ABLIM1: variants seen among roughly 807,000 people sequenced by gnomAD.
The protein encoded by ABLIM1 is actin binding LIM protein 1.
Under a neutral mutation model 107.0 loss-of-function variants are expected in ABLIM1, and 40 were observed. That is an observed-to-expected ratio of 0.37 (90% confidence interval 0.29 to 0.49). ABLIM1 has a LOEUF of 0.49. Among genes scored for constraint, ABLIM1 ranks in the 20% least tolerant of loss-of-function variants. ABLIM1 has a pLI of 0.97. For synonymous variants in ABLIM1, 357 were observed against 357.3 expected, an observed-to-expected ratio of 1.00 and a Z score of 0.01; for missense variants, 857 against 1,008.5, an observed-to-expected ratio of 0.85 and a Z score of 2.04.
At chr10:114,750,694 C>G (rs56859815) in intron 1 of ABLIM1, among the ~76,000 whole-genome samples, 3,027 of 152,242 alleles carry the variant, frequency 0.02, 85 homozygotes, top group African/African-American at 0.067. Context: ...CCTAGTCAAA[C>G]AGTAAGATAG....
chr10:114,734,155 T>A (rs1394362176), intron 1 of ABLIM1, among the ~76,000 whole-genome samples: 1 of 152,044 alleles, frequency 6.6e-6, no homozygotes, highest in Non-Finnish European at 1.5e-5. Flanking sequence ...CCATCACGCT[T>A]GGCCATGACC....
chr10:114,691,620 G>A (rs2081081074), intron 1 of ABLIM1, among the ~76,000 whole-genome samples: 1 of 152,184 alleles, frequency 6.6e-6, no homozygotes, highest in Non-Finnish European at 1.5e-5. Context: ...CTTTGAAAAA[G>A]TTGTAATGAT....
intron 1 of ABLIM1, among the ~76,000 whole-genome samples, chr10:114,752,853 G>T: frequency 6.6e-6 from 1 of 152,138 alleles, no homozygotes; most frequent in East Asian, 1.9e-4. Flanking sequence ...ATGGGCATTT[G>T]GGTTGATTCC....
rs535273039 is a variant in ABLIM1 at position 114,522,246 on chromosome 10, CAT to C, written c.894+22757_894+22758del. ...GGCAAAACAAAAACCCAGTCGAACA[CAT>C]GTTTTCCTCATGCTTTAGAACTCTT... On this transcript the variant is annotated intron_variant, in intron 6 of 22. Transcript: ENST00000533213. Among the ~76,000 whole-genome samples, 4 of 152,352 alleles carry C rather than the reference CAT, an allele frequency of 2.6e-5. No individual in the cohort carries two copies. In the East Asian group the frequency reaches 7.7e-4, roughly 29 times the overall value.
chr10:114,727,987 G>A (rs1271154841), intron 1 of ABLIM1, among the ~76,000 whole-genome samples: 4 of 152,124 alleles, frequency 2.6e-5, no homozygotes, highest in African/African-American at 4.8e-5. Flanking sequence ...TGGGAGATGT[G>A]TAAAATATAC....
intron 1 of ABLIM1, among the ~76,000 whole-genome samples, chr10:114,652,323 G>A (rs951572859): frequency 1.3e-5 from 2 of 152,082 alleles, no homozygotes; most frequent in Non-Finnish European, 2.9e-5. Context: ...TAGTGAATGG[G>A]GTAAGAAGGG....
chr10:114,497,180 C>G (rs889190604), intron 6 of ABLIM1, among the ~76,000 whole-genome samples: 30 of 152,216 alleles, frequency 2.0e-4, no homozygotes, highest in African/African-American at 4.8e-5. Context: ...ATGCTGTTGA[C>G]TATAAACTTT....
chr10:114,513,385 C>T (rs1398274071), intron 6 of ABLIM1, among the ~76,000 whole-genome samples: 1 of 152,102 alleles, frequency 6.6e-6, no homozygotes, highest in Admixed American at 6.6e-5. Flanking sequence ...ATTTCAGTAA[C>T]AGCCAGTATT....
intron 2 of ABLIM1, among the ~76,000 whole-genome samples, chr10:114,576,533 A>C (rs3808949): frequency 0.031 from 4,784 of 152,256 alleles, 113 homozygotes; most frequent in East Asian, 0.081. Flanking sequence ...GGTGGGGACA[A>C]GGTGAGTTCA....
intron 1 of ABLIM1, among the ~76,000 whole-genome samples, chr10:114,674,246 T>C (rs1338970324): frequency 1.4e-5 from 2 of 145,358 alleles, no homozygotes; most frequent in Non-Finnish European, 3.0e-5. Context: ...GCCAAGATCA[T>C]GCCACTGCAT....
At chr10:114,498,434 C>T (rs1006611688) in intron 6 of ABLIM1, among the ~76,000 whole-genome samples, 1 of 152,192 alleles carries the variant, frequency 6.6e-6, no homozygotes, top group Non-Finnish European at 1.5e-5. Context: ...ATGTAATATG[C>T]TCCTGGGAAC....
rs887161751 is a variant in ABLIM1 at position 114,728,571 on chromosome 10, C to G, written c.-213+39490G>C. Among the ~76,000 whole-genome samples the G allele has an allele frequency of 6.2e-5, 8 of 129,398 alleles. No individual in the cohort carries two copies. The Admixed American group carries it at 6.4e-4, about 10-fold the overall frequency. 84.9% of individuals were successfully genotyped at this position (129,398 alleles called of 152,430 possible). A position where few individuals can be genotyped will look rare whatever the true frequency, so the allele number is the denominator to read the frequency against. On this transcript the variant is annotated intron_variant, in intron 1 of 15. Coordinates refer to the ABLIM1 transcript ENST00000651092. ...GCAACATGTACCAACATGAATTAAT[C>G]TGAAAGACAAAATGGAGAGCCAAAA...
chr10:114,679,875 T>C (rs1267727627), intron 1 of ABLIM1, among the ~76,000 whole-genome samples: 1 of 152,188 alleles, frequency 6.6e-6, no homozygotes, highest in Non-Finnish European at 1.5e-5. Context: ...ACTAGGAATA[T>C]GGATTACTTT....
intron 1 of ABLIM1, among the ~76,000 whole-genome samples, chr10:114,731,840 C>A (rs981636908): frequency 1.1e-4 from 17 of 152,110 alleles, no homozygotes; most frequent in Non-Finnish European, 1.2e-4. Flanking sequence ...GAACCCCTGG[C>A]CTCAAATGAT....
At chr10:114,476,397 T>C (rs2134136833) in intron 8 of ABLIM1, among the ~76,000 whole-genome samples, 1 of 152,248 alleles carries the variant, frequency 6.6e-6, no homozygotes, top group Middle Eastern at 3.4e-3. Context: ...ATCCCAGCAC[T>C]TTGGGAGGCC....
chr10:114,437,816 G>C lies in ABLIM1; in HGVS notation c.2223+28C>G, dbSNP rs769972998. Reference sequence around the variant, plus strand: ...GGGGAGTGCATAGGGATCTGCAGTTGGGACTGGATTTTTCGGTTTTGTTTT... The same window carrying C: ...GGGGAGTGCATAGGGATCTGCAGTTCGGACTGGATTTTTCGGTTTTGTTTT... On this transcript the variant is annotated intron_variant, in intron 22 of 22. Coordinates refer to ENST00000533213, the MANE Select transcript of ABLIM1 (RefSeq NM_002313.7). The C allele has an allele frequency of 6.3e-6, 10 of 1,592,418 alleles. No individual in the cohort carries two copies. The African/African-American group carries it at 1.2e-4, about 19-fold the overall frequency.
At chr10:114,436,838 TC>T (rs960096253) in intron 22 of ABLIM1, among the ~76,000 whole-genome samples, 1 of 151,872 alleles carries the variant, frequency 6.6e-6, no homozygotes, top group African/African-American at 2.4e-5. Flanking sequence ...CATCAGTCAT[TC>T]CCCCCTAGAA....
At chr10:114,445,510 G>T in intron 15 of ABLIM1, 107 bp from the exon 16 acceptor site, 1 of 877,324 alleles carries the variant, frequency 1.1e-6, no homozygotes, top group Non-Finnish European at 1.9e-6. Flanking sequence ...GTCAGCAACG[G>T]TCTTTAACAC....
intron 8 of ABLIM1, among the ~76,000 whole-genome samples, chr10:114,483,597 A>G (rs1304694356): frequency 6.6e-6 from 1 of 152,184 alleles, no homozygotes; most frequent in Non-Finnish European, 1.5e-5. Flanking sequence ...CATTCTATCA[A>G]TGAGGAAACT....
Sources: allele counts gnomAD v4.1 joint callset (sites outside exome capture counted in the v4.1 genomes callset), GRCh38; gene constraint gnomAD v4.1.1; transcripts MANE v1.5; gene names NCBI Gene and HGNC (gene_info 2026-07-23, HGNC 2026-07-21).